Variants in MTREX observed in about 807,000 individuals in gnomAD.
MTREX encodes the protein Mtr4 exosome RNA helicase.
In MTREX, 76 loss-of-function variants were observed where a neutral mutation model predicts 135.4. The observed-to-expected ratio is 0.56, with a 90% CI of 0.47 to 0.68. The LOEUF (loss-of-function observed/expected upper bound fraction) is 0.68. Ranked by LOEUF, MTREX falls within the 30% of genes least tolerant of loss-of-function variation. The pLI is 0.00. For synonymous variants in MTREX, 404 were observed against 401.6 expected (o/e 1.01, Z -0.07); for missense variants, 920 against 1,262.1 (o/e 0.73, Z 4.11).
At chr5:55,378,220 C>T (rs538993085) in intron 16 of MTREX, 94 bp from the exon 17 acceptor site, 3 of 1,388,246 alleles carry the variant, frequency 2.2e-6, no homozygotes, top group Non-Finnish European at 2.8e-6. Context: ...CGCAACTACA[C>T]TTGCACCAAC....
At position 55,399,648 on chromosome 5, in the gene MTREX, T is replaced by C. The variant is rs567106787; in HGVS notation, c.2293-585T>C. ...GACTACAGGCGCCCACCACCACGCC[T>C]GGCTAATTTTTTGTATTTTTAGTAG... On this transcript the variant is annotated intron_variant, in intron 20 of 26. Transcript: ENST00000230640. 2.3e-4 allele frequency among the ~76,000 whole-genome samples: 35 copies of C among 152,018 alleles called. No individual in the cohort carries two copies. In the East Asian group the frequency reaches 6.0e-3, roughly 26 times the overall value.
At chr5:55,333,449 T>G (rs560488199) in intron 5 of MTREX, among the ~76,000 whole-genome samples, 61 of 152,320 alleles carry the variant, frequency 4.0e-4, no homozygotes, top group African/African-American at 1.3e-3. Flanking sequence ...GTTTGGTGCT[T>G]TATGCATTTA....
intron 19 of MTREX, among the ~76,000 whole-genome samples, chr5:55,390,433 G>C (rs1034217557): frequency 2.0e-5 from 3 of 152,060 alleles, no homozygotes; most frequent in African/African-American, 7.2e-5. Context: ...ACTTTTCCTT[G>C]TATCTATAAT....
intron 1 of MTREX, among the ~76,000 whole-genome samples, chr5:55,315,872 A>C (rs569815260): frequency 3.9e-4 from 59 of 152,054 alleles, no homozygotes; most frequent in Middle Eastern, 3.4e-3. Context: ...AAAAAAAAAA[A>C]AAAAACCTGT....
chr5:55,318,960 C>T (rs1296682052), intron 1 of MTREX, among the ~76,000 whole-genome samples: 39 of 151,804 alleles, frequency 2.6e-4, no homozygotes, highest in Admixed American at 2.6e-3. Flanking sequence ...AGAATGGCAC[C>T]AAAATTCTTG....
At chr5:55,320,095 C>G (rs777989400) in intron 1 of MTREX, among the ~76,000 whole-genome samples, 3 of 152,010 alleles carry the variant, frequency 2.0e-5, no homozygotes, top group African/African-American at 7.3e-5. Context: ...ATAGCTTTTT[C>G]GCAAAATTGG....
rs778971952 is a variant in MTREX, at chr5:55,392,278, C to T, written c.2181+4176C>T. ...TCTCCTGTCTGGCCAGGCATGGTGG[C>T]TCATGCCATAATCCCAGCACTTTGA... On this transcript the variant is annotated intron_variant, in intron 19 of 26. Transcript: ENST00000230640. 2.0e-4 allele frequency among the ~76,000 whole-genome samples: 30 copies of T among 152,080 alleles called. 1 individual carries two copies. Among genetic ancestry groups the T allele is most frequent in the Non-Finnish European group, 4.1e-4 (28 of 68,026 alleles).
At chr5:55,392,541 TAAAAAAAAA>T (rs34486683) in intron 19 of MTREX, among the ~76,000 whole-genome samples, 2 of 114,542 alleles carry the variant, frequency 1.7e-5, no homozygotes, top group African/African-American at 3.4e-5. Context: ...GGGCTCTGTC[TAAAAAAAAA>T]AAAAAAAAAA....
rs963378024 is a variant in MTREX, at chr5:55,350,949, G to A, written c.1351G>A (p.Gly451Arg). 1.2e-6 allele frequency: 2 copies of A among 1,604,756 alleles called. No homozygotes were observed. The highest frequency in any genetic ancestry group is 2.7e-5 in the African/African-American group (2 of 74,380). ...ACATGTACTTCCTCTTTTGAAGAGG[G>A]GAATTGGTATTCACCATGGTGGTTT... ...VEHVLPLLKR[G>R]IGIHHGGLLP... The change falls in exon 13 of 27, where the codon GGA becomes AGA. Residue 451 changes from glycine (G) to arginine (R), a missense_variant. Around this residue, in one of 6 missense-constraint regions of MTREX, gnomAD observed 101 missense variants for 119.1 expected, o/e 0.85. Transcript: ENST00000230640.
At chr5:55,405,615 G>A (rs1053810217) in intron 22 of MTREX, 27 bp downstream of exon 22, 2 of 1,529,056 alleles carry the variant, frequency 1.3e-6, no homozygotes, top group Non-Finnish European at 1.8e-6. Flanking sequence ...GTTCTAGAAA[G>A]TTCATTTTTT....
At chr5:55,361,583 T>C (rs373814111) in intron 15 of MTREX, among the ~76,000 whole-genome samples, 536 of 152,240 alleles carry the variant, frequency 3.5e-3, no homozygotes, top group African/African-American at 0.012. Flanking sequence ...GCCTCCCAAG[T>C]AGCTGGGATT....
intron 20 of MTREX, among the ~76,000 whole-genome samples, chr5:55,399,551 A>G (rs1400509478): frequency 6.6e-6 from 1 of 152,042 alleles, no homozygotes; most frequent in Non-Finnish European, 1.5e-5. Context: ...GCAGTGGCGC[A>G]ATCTCGGCTC....
chr5:55,316,462 T>C (rs1265427453), intron 1 of MTREX, among the ~76,000 whole-genome samples: 3 of 152,186 alleles, frequency 2.0e-5, no homozygotes, highest in African/African-American at 7.2e-5. Context: ...ATCCCCAGGA[T>C]GCAAGGTTGG....
At chr5:55,345,398 A>G (rs1482143484) in intron 10 of MTREX, among the ~76,000 whole-genome samples, 1 of 152,198 alleles carries the variant, frequency 6.6e-6, no homozygotes, top group Non-Finnish European at 1.5e-5. Context: ...TAAGTATACA[A>G]TTCAGTAGTC....
At chr5:55,350,873 C>A in intron 12 of MTREX, 46 bp from the exon 13 acceptor site, 2 of 1,403,588 alleles carry the variant, frequency 1.4e-6, no homozygotes, top group Non-Finnish European at 2.0e-6. Flanking sequence ...TTTTAAAAAT[C>A]CTTTTCTCAC....
chr5:55,360,710 T>C (rs1749993788), intron 15 of MTREX, among the ~76,000 whole-genome samples: 2 of 152,234 alleles, frequency 1.3e-5, no homozygotes, highest in Admixed American at 1.3e-4. Context: ...AAGGAGTACC[T>C]GTTTTTGTGT....
At chr5:55,331,837 CT>C (rs2112044195) in intron 5 of MTREX, among the ~76,000 whole-genome samples, 1 of 152,254 alleles carries the variant, frequency 6.6e-6, no homozygotes, top group South Asian at 2.1e-4. Context: ...TGTTTTCTCT[CT>C]CTTGGGGCGT....
chr5:55,308,224 A>G, intron 1 of MTREX, 77 bp downstream of exon 1: 1 of 1,475,612 alleles, frequency 6.8e-7, no homozygotes, highest in South Asian at 1.4e-5. Flanking sequence ...TCTTAGGAAG[A>G]GCACGAGAAA....
At position 55,405,536 on chromosome 5, in the gene MTREX, ACTT is replaced by A. The variant is rs960622489; in HGVS notation, c.2599_2601del (p.Ser867del). ...TGTTTTAAGAAGGTTGGGATTTGCT[ACTT>A]CTTCTGATGTAATAGAGATGAAAGG... On this transcript the variant is annotated inframe_deletion, in exon 22 of 27. Coordinates refer to ENST00000230640, the MANE Select transcript of MTREX (RefSeq NM_015360.5). The A allele has an allele frequency of 1.2e-6, 2 of 1,613,790 alleles. No individual in the cohort carries two copies. Among genetic ancestry groups the A allele is most frequent in the Non-Finnish European group, 1.7e-6 (2 of 1,179,740 alleles).
Sources: gnomAD v4.1 joint callset for allele counts (sites outside exome capture counted in the v4.1 genomes callset) on GRCh38, gnomAD v4.1.1 for gene constraint, gnomAD v4.1.1 regional missense constraint, MANE v1.5 for transcripts, NCBI Gene and HGNC (gene_info 2026-07-23, HGNC 2026-07-21) for gene names.